Variants in NT5DC4 observed in about 807,000 individuals in gnomAD.
NT5DC4 encodes the protein 5'-nucleotidase domain-containing protein 4.
NT5DC4 carries 44 observed loss-of-function variants against 26.6 expected under a neutral mutation model. That is an observed-to-expected ratio of 1.65 (90% CI 1.30 to 2.13). The LOEUF (loss-of-function observed/expected upper bound fraction) is 2.13, where lower values mean the gene tolerates loss of function less well. Among genes scored for constraint, NT5DC4 ranks in the 30% most tolerant of loss-of-function variants. The pLI is 0.00. For synonymous variants in NT5DC4, 157 were observed against 86.7 expected (o/e 1.81, Z -4.51); for missense variants, 399 against 228.1 (o/e 1.75, Z -4.83).
At chr2:112,734,721 G>C (rs1256587826) in intron 16 of NT5DC4, among the ~76,000 whole-genome samples, 1 of 152,176 alleles carries the variant, frequency 6.6e-6, no homozygotes, top group East Asian at 1.9e-4. Flanking sequence ...ACAGAGTCTT[G>C]CTCCGTCGCC....
chr2:112,738,678 G>C (rs1679570403), intron 16 of NT5DC4: 2 of 623,460 alleles, frequency 3.2e-6, no homozygotes, highest in East Asian at 5.5e-5. Context: ...GAAAATTTGA[G>C]AGTAAGCCCA....
At chr2:112,722,153 C>G in intron 3 of NT5DC4, 30 bp from the exon 4 acceptor site, 3 of 634,122 alleles carry the variant, frequency 4.7e-6, no homozygotes. Flanking sequence ...GTACCCCCAC[C>G]CACAGTGCCC....
At position 112,739,055 on chromosome 2, in the gene NT5DC4, G is replaced by T. The variant is rs142117171; in HGVS notation, c.*119G>T. The T allele has an allele frequency of 1.1e-4, 173 of 1,599,934 alleles. 1 individual carries two copies. In the East Asian group the frequency reaches 1.7e-3, roughly 16 times the overall value. On this transcript the variant is annotated 3_prime_UTR_variant, in exon 17 of 17. Coordinates refer to ENST00000688554, the MANE Select transcript of NT5DC4 (RefSeq NM_001393655.1). ...TTCCGGCATCCCATTTATTCTGAGA[G>T]ACAGCAAGAGATGCATTAAAAACCT...
chr2:112,719,987 T>TTTTTC (rs1195865998), upstream of NT5DC4, among the ~76,000 whole-genome samples: 8 of 129,994 alleles, frequency 6.2e-5, no homozygotes, highest in South Asian at 2.3e-4. Context: ...TCTTTCTTTC[T>TTTTTC]TTTTCTTTTC....
At chr2:112,729,864 T>A (rs116723138) in intron 16 of NT5DC4, among the ~76,000 whole-genome samples, 160 bp downstream of exon 16, 2 of 152,260 alleles carry the variant, frequency 1.3e-5, no homozygotes, top group East Asian at 3.8e-4. Flanking sequence ...TCATTATTTA[T>A]GTAAAAATGC....
intron 16 of NT5DC4, among the ~76,000 whole-genome samples, chr2:112,736,438 G>A (rs750818714): frequency 6.6e-6 from 1 of 151,512 alleles, no homozygotes; most frequent in Non-Finnish European, 1.5e-5. Flanking sequence ...GGCTGCTATA[G>A]TGAAGCAGAT....
chr2:112,730,285 C>T lies in NT5DC4; in HGVS notation c.1344+581C>T, dbSNP rs1420172159. On this transcript the variant is annotated intron_variant, in intron 16 of 16. Transcript: ENST00000688554. ...CTGAGATTGCACCACTGCACTCCAA[C>T]CTGGGCAACAGGGAAAGACTGTCTC... Among the ~76,000 whole-genome samples, 5 of 128,960 alleles carry T rather than the reference C, an allele frequency of 3.9e-5. No individual in the cohort carries two copies. The South Asian group carries it at 1.3e-3, about 34-fold the overall frequency. 84.6% of individuals were successfully genotyped at this position (128,960 alleles called of 152,430 possible). A position where few individuals can be genotyped will look rare whatever the true frequency, so the allele number is the denominator to read the frequency against.
chr2:112,720,070 G>A (rs1275752797), upstream of NT5DC4, among the ~76,000 whole-genome samples: 1 of 137,092 alleles, frequency 7.3e-6, no homozygotes, highest in Admixed American at 8.0e-5. Context: ...TTTATTGACA[G>A]GATCTCACTC....
intron 16 of NT5DC4, among the ~76,000 whole-genome samples, chr2:112,734,167 A>ATGTGTGTGTGTGTGTGTGTG (rs1380428965): frequency 4.2e-3 from 22 of 5,264 alleles, no homozygotes; most frequent in African/African-American, 8.9e-3. Context: ...GCTATTATAT[A>ATGTGTGTGTGTGTGTGTGTG]TATGTGTGTG....
At position 112,736,462 on chromosome 2, in the gene NT5DC4, TCA is replaced by T. The variant is rs774435958; in HGVS notation, c.1345-2450_1345-2449del. 6.6e-5 allele frequency: 10 copies of T among 152,372 alleles called. No individual in the cohort carries two copies. In the East Asian group the frequency reaches 9.6e-4, roughly 15 times the overall value. 9.4% of individuals were successfully genotyped at this position (152,372 alleles called of 1,614,324 possible). A position where few individuals can be genotyped will look rare whatever the true frequency, so the allele number is the denominator to read the frequency against. ...AGTGAAGCAGATTAACATTATCATCTCAGTTTTTTTGTGATAATAGCAGCTAA... is the reference window on the plus strand; with the variant it reads ...AGTGAAGCAGATTAACATTATCATCTGTTTTTTTGTGATAATAGCAGCTAA... On this transcript the variant is annotated intron_variant, in intron 16 of 16. Coordinates refer to ENST00000688554, the MANE Select transcript of NT5DC4 (RefSeq NM_001393655.1).
rs1483341446 is a variant in NT5DC4 at position 112,729,659 on chromosome 2, G to A, written c.1299G>A (p.Gln433=). 2 of 717,826 alleles carry A rather than the reference G, an allele frequency of 2.8e-6. No individual in the cohort carries two copies. The highest frequency in any genetic ancestry group is 5.2e-6 in the Non-Finnish European group (2 of 385,198). The allele number at this position is 717,826 out of a possible 1,614,324, so 44.5% of individuals were successfully genotyped here. A position where few individuals can be genotyped will look rare whatever the true frequency, so the allele number is the denominator to read the frequency against. The part of the protein sequence containing the change: ...MPHESVVEQE[Q]ANLDPASCLL... The stretch of plus-strand genomic sequence containing the variant: ...ATGAGTCAGTTGTGGAGCAAGAACA[G>A]GCCAATCTAGACCCTGCCTCCTGCC... The change falls in exon 16 of 17, where the codon CAG becomes CAA. Residue 433 remains glutamine (Q), a synonymous_variant. Transcript: ENST00000688554.
At chr2:112,726,319 T>C (rs1179271000) in intron 14 of NT5DC4, 30 bp downstream of exon 14, 1 of 716,938 alleles carries the variant, frequency 1.4e-6, no homozygotes, top group South Asian at 1.5e-5. Context: ...GGGGGTGGGA[T>C]GGGGCAGGGA....
chr2:112,733,699 G>A (rs747257528), intron 16 of NT5DC4, among the ~76,000 whole-genome samples: 27 of 152,250 alleles, frequency 1.8e-4, no homozygotes, highest in Non-Finnish European at 2.8e-4. Flanking sequence ...GATGGCTGAT[G>A]TGAGAGAGAT....
At chr2:112,741,084 TAC>T (rs1197302782), downstream of NT5DC4, 9 of 901,394 alleles carry the variant, frequency 1.0e-5, no homozygotes, top group Non-Finnish European at 1.4e-5. Context: ...ACATGAAAAA[TAC>T]ATACATACAA....
downstream of NT5DC4, among the ~76,000 whole-genome samples, chr2:112,741,807 C>A (rs1385182337): frequency 1.3e-5 from 2 of 152,056 alleles, no homozygotes; most frequent in Admixed American, 1.3e-4. Context: ...GTTGTCCAGG[C>A]TGGAGTGCAG....
At chr2:112,729,494 C>A in intron 15 of NT5DC4, 133 bp from the exon 16 acceptor site, 1 of 644,600 alleles carries the variant, frequency 1.6e-6, no homozygotes, top group South Asian at 1.7e-5. Flanking sequence ...TTCCGAGGTT[C>A]CTTCCTCTGC....
chr2:112,719,964 TTC>T (rs1558715361), upstream of NT5DC4, among the ~76,000 whole-genome samples: 160 of 126,336 alleles, frequency 1.3e-3, no homozygotes, highest in African/African-American at 4.1e-3. Flanking sequence ...CTTTCTTTCT[TTC>T]TTTCTTTCTT....
downstream of NT5DC4, chr2:112,741,076 A>G: frequency 2.0e-6 from 2 of 998,310 alleles, no homozygotes; most frequent in Non-Finnish European, 3.1e-6. Flanking sequence ...AGTCAATAAC[A>G]TGAAAAATAC....
chr2:112,722,849 C>T (rs1677099143), intron 6 of NT5DC4, 78 bp downstream of exon 6: 1 of 564,710 alleles, frequency 1.8e-6, no homozygotes, highest in Non-Finnish European at 3.4e-6. Context: ...GAGGGGCCCC[C>T]CAAGGGCTCC....
Sources: gnomAD v4.1 joint callset for allele counts (sites outside exome capture counted in the v4.1 genomes callset) on GRCh38, gnomAD v4.1.1 for gene constraint, MANE v1.5 for transcripts, NCBI Gene and HGNC (gene_info 2026-07-23, HGNC 2026-07-21) for gene names.